Variants in EFHC1 observed in about 807,000 individuals in gnomAD.
EFHC1 encodes the protein EF-hand domain containing 1, also known as EF-hand domain-containing protein 1.
In EFHC1, 53 loss-of-function variants were observed where a neutral mutation model predicts 69.9. The observed-to-expected ratio is 0.76, with a 90% CI of 0.61 to 0.95. The LOEUF is 0.95. Among genes scored for constraint, EFHC1 ranks in the 40% least tolerant of loss-of-function variants. The probability of loss-of-function intolerance (pLI) is 0.00; values close to 1 mark genes in which losing one functional copy is unlikely to be tolerated. For synonymous variants in EFHC1, 256 were observed against 278.4 expected, an observed-to-expected ratio of 0.92 and a Z score of 0.80; for missense variants, 739 against 798.7, an observed-to-expected ratio of 0.93 and a Z score of 0.90.
chr6:52,472,730 A>G (rs973699539), intron 7 of EFHC1, among the ~76,000 whole-genome samples: 1 of 142,512 alleles, frequency 7.0e-6, no homozygotes, highest in Non-Finnish European at 1.5e-5. Context: ...TACAAGAGAT[A>G]TGTAATATCT....
chr6:52,475,229 G>A (rs936335989), intron 7 of EFHC1, among the ~76,000 whole-genome samples: 1 of 152,168 alleles, frequency 6.6e-6, no homozygotes, highest in African/African-American at 2.4e-5. Flanking sequence ...TCTTGAGGAA[G>A]AAAGGGTGCT....
chr6:52,433,121 G>T (rs1764451444), intron 2 of EFHC1, among the ~76,000 whole-genome samples: 1 of 151,806 alleles, frequency 6.6e-6, no homozygotes, highest in Admixed American at 6.6e-5. Flanking sequence ...ATTGGGCTTT[G>T]CCTTTCTCTG....
intron 3 of EFHC1, among the ~76,000 whole-genome samples, chr6:52,440,073 C>T (rs764185455): frequency 1.3e-5 from 2 of 152,028 alleles, no homozygotes; most frequent in Non-Finnish European, 2.9e-5. Context: ...TATTTATAGT[C>T]GGTTCTCATT....
chr6:52,464,968 T>C lies in EFHC1; in HGVS notation c.990T>C (p.Ile330=). 6.2e-7 allele frequency: 1 copy of C among 1,614,090 alleles called. No homozygotes were observed. The highest frequency in any genetic ancestry group is 8.5e-7 in the Non-Finnish European group (1 of 1,179,954). ...AATGGTATACTGCTAAAGACTTCATTGTTGGGAAGTCACTCACTATCCTTG... is the reference window on the plus strand; with the variant it reads ...AATGGTATACTGCTAAAGACTTCATCGTTGGGAAGTCACTCACTATCCTTG... ...VLEWYTAKDF[I]VGKSLTILGR... Residue 330 remains isoleucine (I), a synonymous_variant, in exon 6 of 11, where the codon ATT becomes ATC. Transcript: ENST00000371068.
intron 6 of EFHC1, 103 bp from the exon 7 acceptor site, chr6:52,469,230 A>T: frequency 7.1e-7 from 1 of 1,403,722 alleles, no homozygotes; most frequent in Non-Finnish European, 9.9e-7. Context: ...ATATATTTGC[A>T]TAAGTATTTT....
chr6:52,442,852 ATCCTTGAGGAAT>A (rs1379623838), intron 3 of EFHC1, among the ~76,000 whole-genome samples: 3 of 152,104 alleles, frequency 2.0e-5, no homozygotes, highest in African/African-American at 7.2e-5. Flanking sequence ...CTTGTTCTGG[ATCCTTGAGGAAT>A]CACCACACTG....
At chr6:52,423,682 T>A in intron 1 of EFHC1, 105 of 432,390 alleles carry the variant, frequency 2.4e-4, no homozygotes, top group South Asian at 9.6e-4. Flanking sequence ...TTTTTTTTTT[T>A]TTAGTTTTTG....
intron 5 of EFHC1, among the ~76,000 whole-genome samples, chr6:52,464,661 T>C (rs938423365): frequency 2.3e-4 from 35 of 152,240 alleles, no homozygotes; most frequent in Non-Finnish European, 1.8e-4. Context: ...AGTGATAGTT[T>C]GAGCTGAATA....
chr6:52,430,554 A>G (rs1350310756), intron 2 of EFHC1, among the ~76,000 whole-genome samples: 2 of 152,212 alleles, frequency 1.3e-5, no homozygotes, highest in African/African-American at 4.8e-5. Context: ...CCCTGGTATG[A>G]AAACCACTTA....
intron 3 of EFHC1, among the ~76,000 whole-genome samples, chr6:52,447,599 G>C (rs1764815809): frequency 6.6e-6 from 1 of 152,168 alleles, no homozygotes; most frequent in Admixed American, 6.5e-5. Context: ...ATCCAGCTTT[G>C]TTCCATTGCT....
rs1248515031 is a variant in EFHC1 at position 52,464,989 on chromosome 6, C to G, written c.1011C>G (p.Ile337Met). Residue 337 changes from isoleucine to methionine, a missense_variant, in exon 6 of 11, where the codon ATC (isoleucine) becomes ATG (methionine). Ile to Met is a conservative substitution (Grantham distance 10). Coordinates refer to ENST00000371068, the MANE Select transcript of EFHC1 (RefSeq NM_018100.4). ...KDFIVGKSLT[I>M]LGRTFFIYDC... ...TCATTGTTGGGAAGTCACTCACTAT[C>G]CTTGGGAGAACTTTCTTCATTTATG... is the stretch of plus-strand genomic sequence containing the variant. The G allele has an allele frequency of 6.2e-7, 1 of 1,614,112 alleles. No individual in the cohort carries two copies. Among genetic ancestry groups the G allele is most frequent in the South Asian group, 1.1e-5 (1 of 91,086 alleles).
intron 2 of EFHC1, among the ~76,000 whole-genome samples, chr6:52,432,265 G>GT (rs983981932): frequency 6.6e-6 from 1 of 152,004 alleles, no homozygotes; most frequent in African/African-American, 2.4e-5. Context: ...TGGATTTTTT[G>GT]TTTTTTGTTT....
At chr6:52,469,605 T>G in intron 7 of EFHC1, 132 bp downstream of exon 7, 1 of 1,301,450 alleles carries the variant, frequency 7.7e-7, no homozygotes, top group Non-Finnish European at 1.1e-6. Flanking sequence ...TTGTATCTAG[T>G]ACCCAGCCTT....
intron 3 of EFHC1, among the ~76,000 whole-genome samples, chr6:52,449,455 T>A (rs905517912): frequency 6.6e-6 from 1 of 152,156 alleles, no homozygotes. Flanking sequence ...CCTCTGGCCC[T>A]GGGCCTTTTT....
intron 9 of EFHC1, chr6:52,483,358 G>A (rs1192967071): frequency 6.6e-6 from 1 of 152,232 alleles, no homozygotes; most frequent in Non-Finnish European, 1.5e-5. Context: ...TCAAAATTAG[G>A]GCTCAGCCAG....
rs78736266 is a variant in EFHC1, at chr6:52,467,784, A to G, written c.1138-1549A>G. ...TACTTTCTCTATAATAAATAGCTCT[A>G]TAATAAACAAATTCCACCTGTCCAT... On this transcript the variant is annotated intron_variant, in intron 6 of 10. Transcript: ENST00000371068. 2.8e-3 allele frequency among the ~76,000 whole-genome samples: 431 copies of G among 152,352 alleles called. 2 individuals carry two copies. The highest frequency in any genetic ancestry group is 9.6e-3 in the African/African-American group (400 of 41,584).
intron 5 of EFHC1, among the ~76,000 whole-genome samples, chr6:52,461,000 A>G: frequency 6.6e-6 from 1 of 152,224 alleles, no homozygotes; most frequent in East Asian, 1.9e-4. Flanking sequence ...AAAAATATCA[A>G]AGTAGAACTG....
At chr6:52,435,550 A>G (rs1255502445) in intron 2 of EFHC1, among the ~76,000 whole-genome samples, 3 of 152,108 alleles carry the variant, frequency 2.0e-5, no homozygotes, top group East Asian at 3.9e-4. Flanking sequence ...GTTTTCCTCA[A>G]CACCTCATCT....
intron 7 of EFHC1, among the ~76,000 whole-genome samples, chr6:52,476,079 A>G (rs185783075): frequency 6.6e-6 from 1 of 152,214 alleles, no homozygotes; most frequent in African/African-American, 2.4e-5. Flanking sequence ...AATGGAGGGC[A>G]AAAAGGTGGA....
Sources: gnomAD v4.1 joint callset for allele counts (sites outside exome capture counted in the v4.1 genomes callset) on GRCh38, gnomAD v4.1.1 for gene constraint, MANE v1.5 for transcripts, NCBI Gene and HGNC (gene_info 2026-07-23, HGNC 2026-07-21) for gene names.